GAS7: variants seen among roughly 807,000 people sequenced by gnomAD.
GAS7 encodes the protein growth arrest specific 7.
In GAS7, 28 loss-of-function variants were observed where a neutral mutation model predicts 71.1. The ratio of observed to expected loss-of-function variants is 0.39; its 90% CI spans 0.29 to 0.54. GAS7 has a LOEUF of 0.54. Among genes scored for constraint, GAS7 ranks in the 20% least tolerant of loss-of-function variants. The pLI, the probability that GAS7 is intolerant of heterozygous loss-of-function variation, is 0.62. For synonymous variants in GAS7, 258 were observed against 245.8 expected, an observed-to-expected ratio of 1.05 and a Z score of -0.46; for missense variants, 436 against 627.8, an observed-to-expected ratio of 0.69 and a Z score of 3.27.
chr17:10,128,910 A>G (rs2073974706), intron 1 of GAS7, among the ~76,000 whole-genome samples: 1 of 152,178 alleles, frequency 6.6e-6, no homozygotes, highest in South Asian at 2.1e-4. Flanking sequence ...GGCGTGAGTC[A>G]CTGCACCCGG....
intron 1 of GAS7, among the ~76,000 whole-genome samples, chr17:10,134,180 T>A (rs184338300): frequency 0.01 from 1,575 of 151,778 alleles, 21 homozygotes; most frequent in African/African-American, 0.036. Context: ...ACAGGCACCA[T>A]CCACCACGCC....
chr17:10,022,619 T>C (rs1475869575), intron 1 of GAS7, among the ~76,000 whole-genome samples: 1 of 152,158 alleles, frequency 6.6e-6, no homozygotes, highest in Non-Finnish European at 1.5e-5. Flanking sequence ...GGTGATAATA[T>C]GAGCCCAGTT....
At chr17:10,064,264 G>T (rs1377973706) in intron 1 of GAS7, among the ~76,000 whole-genome samples, 5 of 152,162 alleles carry the variant, frequency 3.3e-5, no homozygotes, top group Non-Finnish European at 5.9e-5. Flanking sequence ...AGAGGCTGGG[G>T]CAGAGGAAAA....
chr17:9,920,421 C>T (rs987041567), intron 11 of GAS7, among the ~76,000 whole-genome samples: 4 of 152,200 alleles, frequency 2.6e-5, no homozygotes, highest in Non-Finnish European at 4.4e-5. Flanking sequence ...TTTAGGACTA[C>T]TCTATTACTT....
At chr17:9,920,728 A>C (rs1296000360) in intron 11 of GAS7, among the ~76,000 whole-genome samples, 5 of 152,208 alleles carry the variant, frequency 3.3e-5, no homozygotes, top group Non-Finnish European at 7.4e-5. Context: ...TAGCTTCCTC[A>C]TCCTCACAGG....
intron 1 of GAS7, among the ~76,000 whole-genome samples, chr17:10,105,667 T>C (rs1195887890): frequency 6.6e-6 from 1 of 152,150 alleles, no homozygotes; most frequent in Non-Finnish European, 1.5e-5. Flanking sequence ...AGAGAGGCCT[T>C]CCCTAAGCTC....
At chr17:9,982,718 G>A (rs992160887) in intron 2 of GAS7, among the ~76,000 whole-genome samples, 34 of 151,846 alleles carry the variant, frequency 2.2e-4, no homozygotes, top group African/African-American at 7.5e-4. Flanking sequence ...AGAGGTTGCA[G>A]TGAGCCGAGA....
At chr17:10,038,742 C>G (rs2072806636) in intron 1 of GAS7, among the ~76,000 whole-genome samples, 1 of 146,724 alleles carries the variant, frequency 6.8e-6, no homozygotes, top group Non-Finnish European at 1.5e-5. Flanking sequence ...CTCTGTCACC[C>G]AAGCTGGAGT....
intron 1 of GAS7, among the ~76,000 whole-genome samples, chr17:10,172,624 G>T (rs1295785557): frequency 6.6e-6 from 1 of 152,254 alleles, no homozygotes; most frequent in African/African-American, 2.4e-5. Flanking sequence ...AGCTTAGGAA[G>T]GGCTTAACCT....
At chr17:10,018,577 T>C (rs1164203554) in intron 2 of GAS7, among the ~76,000 whole-genome samples, 1 of 152,186 alleles carries the variant, frequency 6.6e-6, no homozygotes, top group Non-Finnish European at 1.5e-5. Context: ...TCAGAAATAG[T>C]CCTACTTCCC....
At chr17:10,096,807 A>T (rs1010832624) in intron 1 of GAS7, among the ~76,000 whole-genome samples, 3 of 152,234 alleles carry the variant, frequency 2.0e-5, no homozygotes, top group African/African-American at 7.2e-5. Flanking sequence ...ACATCTTTGG[A>T]TCCTGTAGCC....
At chr17:10,161,648 G>T (rs1008273667) in intron 1 of GAS7, among the ~76,000 whole-genome samples, 3 of 152,174 alleles carry the variant, frequency 2.0e-5, no homozygotes, top group African/African-American at 7.2e-5. Flanking sequence ...GATCTCAGTT[G>T]TTCCACTCAG....
chr17:9,941,363 G>A (rs922060925), intron 7 of GAS7, among the ~76,000 whole-genome samples: 1 of 152,116 alleles, frequency 6.6e-6, no homozygotes, highest in African/African-American at 2.4e-5. Context: ...CCTCAATGCC[G>A]ACAGCATGCA....
intron 2 of GAS7, among the ~76,000 whole-genome samples, chr17:10,016,315 G>A (rs1459946382): frequency 1.3e-5 from 2 of 150,648 alleles, no homozygotes; most frequent in African/African-American, 4.9e-5. Context: ...AACCCGGGAG[G>A]CGGAGCTTGC....
intron 1 of GAS7, among the ~76,000 whole-genome samples, chr17:10,181,082 G>A (rs1174377589): frequency 6.8e-6 from 1 of 147,020 alleles, no homozygotes; most frequent in Non-Finnish European, 1.5e-5. Context: ...GGGTGGCGGT[G>A]GGGGCACGGT....
chr17:10,138,348 G>C (rs1210992527), intron 1 of GAS7, among the ~76,000 whole-genome samples: 1 of 152,144 alleles, frequency 6.6e-6, no homozygotes, highest in African/African-American at 2.4e-5. Context: ...CAACTCCCTA[G>C]TAAGGAAGGG....
intron 1 of GAS7, among the ~76,000 whole-genome samples, chr17:10,035,112 C>T (rs1032427376): frequency 6.6e-6 from 1 of 152,024 alleles, no homozygotes; most frequent in Non-Finnish European, 1.5e-5. Context: ...GACTTCGGCT[C>T]TTCCCAGCTC....
chr17:9,973,644 G>A (rs112048334), intron 3 of GAS7, among the ~76,000 whole-genome samples: 1 of 152,178 alleles, frequency 6.6e-6, no homozygotes, highest in East Asian at 1.9e-4. Flanking sequence ...ATTATCAAAA[G>A]GGTTTCAAGA....
At chr17:10,138,593 T>C (rs2142094647) in intron 1 of GAS7, among the ~76,000 whole-genome samples, 1 of 151,980 alleles carries the variant, frequency 6.6e-6, no homozygotes, top group East Asian at 2.0e-4. Flanking sequence ...TGAAACCCCG[T>C]CTCTACTAAA....
Sources: allele counts gnomAD v4.1 joint callset (sites outside exome capture counted in the v4.1 genomes callset), GRCh38; gene constraint gnomAD v4.1.1; transcripts MANE v1.5; gene names NCBI Gene and HGNC (gene_info 2026-07-23, HGNC 2026-07-21).